KCP: variants seen among roughly 807,000 people sequenced by gnomAD.
KCP encodes the protein kielin/chordin-like protein.
Under a neutral mutation model 212.7 loss-of-function variants are expected in KCP, and 194 were observed. The ratio of observed to expected loss-of-function variants is 0.91; its 90% CI spans 0.81 to 1.03. The LOEUF is 1.03. Ranked by LOEUF, KCP falls within the 50% of genes least tolerant of loss-of-function variation. KCP has a pLI of 0.00. For missense variants in KCP, 2,080 were observed against 2,162.5 expected (o/e 0.96, Z 0.76); for synonymous variants, 833 against 865.3 (o/e 0.96, Z 0.65).
chr7:128,903,621 G>T, intron 7 of KCP, 106 bp downstream of exon 7: 4 of 873,950 alleles, frequency 4.6e-6, no homozygotes, highest in Non-Finnish European at 5.2e-6. Context: ...TTCCAGCTCC[G>T]CCACGGACCA....
Position 128,892,558 on chromosome 7 carries a change from G to A in KCP, c.1577C>T (p.Ala526Val). ...CTGGCCTGGTCCACTCTGGGGCCTG[G>A]CACAGGTCGTGGGAGGGCAGTCAAC... ...SLVDCPPTTC[A>V]RPQSGPGQCC... The change falls in exon 16 of 40, where the codon GCC becomes GTC. Residue 526 changes from alanine (A) to valine (V), a missense_variant. Physicochemically the swap from Ala to Val is moderately conservative, Grantham distance 64. Coordinates refer to ENST00000610776, the MANE Select transcript of KCP (RefSeq NM_001366122.1). 1 of 1,549,340 alleles carries A rather than the reference G, an allele frequency of 6.5e-7. No individual in the cohort carries two copies. The highest frequency in any genetic ancestry group is 2.4e-5 in the East Asian group (1 of 40,898).
Position 128,885,087 on chromosome 7 carries a change from C to A in KCP, c.3040+10G>T. The stretch of plus-strand genomic sequence containing the variant: ...CTCGCCTTTCCCCTCCCGCCCCAGG[C>A]TTCCAGTACCAGAGCATTGAGGACA... On this transcript the variant is annotated intron_variant, in intron 27 of 39. Transcript: ENST00000610776. The A allele has an allele frequency of 6.4e-7, 1 of 1,550,694 alleles. No individual in the cohort carries two copies. Among genetic ancestry groups the A allele is most frequent in the East Asian group, 2.4e-5 (1 of 40,926 alleles).
chr7:128,909,932 G>A (rs535477733), intron 1 of KCP, among the ~76,000 whole-genome samples: 1 of 152,300 alleles, frequency 6.6e-6, no homozygotes, highest in East Asian at 1.9e-4. Flanking sequence ...CGGCCACGAT[G>A]GGCGTCTCAG....
intron 23 of KCP, 39 bp from the exon 24 acceptor site, chr7:128,887,005 C>T: frequency 8.7e-7 from 1 of 1,144,920 alleles, no homozygotes; most frequent in Non-Finnish European, 1.3e-6. Context: ...AACTGGACTG[C>T]ACATTTCCCC....
At position 128,904,037 on chromosome 7, in the gene KCP, AG is replaced by A; in HGVS notation, c.654+18del. On this transcript the variant is annotated intron_variant, in intron 6 of 39. Transcript: ENST00000610776. ...CCAGGGAGGTGCAGGGCCTGGGCAG[AG>A]GGGACAGGTGGACTCACCAGGCAGG... is the stretch of plus-strand genomic sequence containing the variant. The A allele has an allele frequency of 6.5e-7, 1 of 1,548,738 alleles. No homozygotes were observed. The highest frequency in any genetic ancestry group is 8.7e-7 in the Non-Finnish European group (1 of 1,144,462).
chr7:128,910,272 A>T (rs1186175415), intron 1 of KCP, among the ~76,000 whole-genome samples: 2 of 152,214 alleles, frequency 1.3e-5, no homozygotes, highest in Non-Finnish European at 1.5e-5. Context: ...ACAGATGCAA[A>T]GTCAGCTTCC....
chr7:128,876,874 G>T lies in KCP; in HGVS notation c.*169C>A. Reference sequence around the variant, plus strand: ...CACACACAAGGAAGCCTTCGGGCAGGCCTAGAGTTTACTGCTGGTGACTCA... The same window carrying T: ...CACACACAAGGAAGCCTTCGGGCAGTCCTAGAGTTTACTGCTGGTGACTCA... On this transcript the variant is annotated 3_prime_UTR_variant, in exon 40 of 40. Transcript: ENST00000610776. 2.8e-6 allele frequency: 2 copies of T among 713,342 alleles called. No homozygotes were observed. Among genetic ancestry groups the T allele is most frequent in the Non-Finnish European group, 4.3e-6 (2 of 460,798 alleles). 44.2% of individuals were successfully genotyped at this position (713,342 alleles called of 1,614,324 possible).
chr7:128,887,993 AC>A (rs145705079), intron 22 of KCP, among the ~76,000 whole-genome samples: 3,574 of 143,802 alleles, frequency 0.025, 57 homozygotes, highest in Non-Finnish European at 0.031. Context: ...ACACACAGAG[AC>A]CCCCCCACAT....
chr7:128,887,390 C>A, intron 22 of KCP, 90 bp from the exon 23 acceptor site: 1 of 909,364 alleles, frequency 1.1e-6, no homozygotes, highest in Non-Finnish European at 1.8e-6. Context: ...TCCACACATA[C>A]ACAGCCACAG....
chr7:128,885,833 T>G (rs982725000), intron 26 of KCP, among the ~76,000 whole-genome samples: 5 of 152,218 alleles, frequency 3.3e-5, no homozygotes, highest in Non-Finnish European at 7.3e-5. Context: ...AGTGTCCATC[T>G]TGACTCTGCC....
Position 128,880,698 on chromosome 7 carries a change from G to C in KCP, c.3537C>G (p.Leu1179=). Residue 1179 remains leucine, a synonymous_variant, in exon 33 of 40, where the codon CTC becomes CTG. Transcript: ENST00000610776. Reference sequence around the variant, plus strand: ...GGCAGGAGAGGGCCTGGCACTCCTCGAGGTGGCACTCCACATGGCCCCGCT... The same window carrying C: ...GGCAGGAGAGGGCCTGGCACTCCTCCAGGTGGCACTCCACATGGCCCCGCT... ...TCHRGHVECH[L]EECQALSCPH... 2.1e-6 allele frequency: 1 copy of C among 471,722 alleles called. No homozygotes were observed. The highest frequency in any genetic ancestry group is 3.6e-6 in the Non-Finnish European group (1 of 275,680). The allele number at this position is 471,722 out of a possible 1,614,324, so 29.2% of individuals were successfully genotyped here. A position where few individuals can be genotyped will look rare whatever the true frequency, so the allele number is the denominator to read the frequency against.
chr7:128,902,993 TCTGCC>T, intron 7 of KCP, 134 bp from the exon 8 acceptor site: 1 of 678,192 alleles, frequency 1.5e-6, no homozygotes, highest in Non-Finnish European at 2.6e-6. Flanking sequence ...GGGTCAGATC[TCTGCC>T]TAGATTCCCC....
chr7:128,877,927 C>G, intron 38 of KCP, 137 bp from the exon 39 acceptor site: 1 of 761,900 alleles, frequency 1.3e-6, no homozygotes, highest in South Asian at 1.8e-5. Flanking sequence ...AAATGAAGTA[C>G]TGTCTACCTT....
At chr7:128,894,742 G>C (rs1794415300) in intron 8 of KCP, among the ~76,000 whole-genome samples, 1 of 152,088 alleles carries the variant, frequency 6.6e-6, no homozygotes, top group South Asian at 2.1e-4. Context: ...AAGTAGCTGG[G>C]ATTACAGGCA....
Position 128,892,864 on chromosome 7 carries a change from C to G in KCP, c.1420+5G>C. ...AAGAAAGCCAGGATCAGCCCAGGCA[C>G]TCACCAGGGGGCTGGGTGGGGTGCT... On this transcript the variant is annotated splice_donor_5th_base_variant and intron_variant, in intron 14 of 39. Coordinates refer to ENST00000610776, the MANE Select transcript of KCP (RefSeq NM_001366122.1). The G allele has an allele frequency of 6.4e-7, 1 of 1,551,046 alleles. No homozygotes were observed. Among genetic ancestry groups the G allele is most frequent in the Non-Finnish European group, 8.7e-7 (1 of 1,146,742 alleles).
intron 29 of KCP, among the ~76,000 whole-genome samples, chr7:128,882,946 C>T (rs1299873546): frequency 7.0e-6 from 1 of 143,596 alleles, no homozygotes; most frequent in Non-Finnish European, 1.5e-5. Context: ...ATGGCGCATG[C>T]CTATAATCCC....
intron 22 of KCP, among the ~76,000 whole-genome samples, chr7:128,888,347 CAT>C (rs1491074329): frequency 0.085 from 7,852 of 92,242 alleles, 933 homozygotes; most frequent in African/African-American, 0.29. Context: ...CACACACACA[CAT>C]ACACAGATAC....
chr7:128,903,057 G>A (rs549723015), intron 7 of KCP, 198 bp from the exon 8 acceptor site: 17 of 601,182 alleles, frequency 2.8e-5, no homozygotes, highest in East Asian at 1.1e-4. Context: ...TCCTTAGCCC[G>A]CCCTTTCTGG....
rs568214481 is a variant in KCP at position 128,880,052 on chromosome 7, A to T, written c.3793T>A (p.Cys1265Ser). ...GCGGGCCGAGGCAGGCAGCGGGGGC[A>T]GCAGCTGCCAGGACTCAGGGCAGGG... ...KAPALSPGSC[C>S]PRCLPRPASC... Residue 1265 changes from cysteine (C) to serine (S), a missense_variant, in exon 35 of 40, where the codon TGC (cysteine) becomes AGC (serine). By Grantham distance (112) the Cys-to-Ser change is moderately radical. Coordinates refer to ENST00000610776, the MANE Select transcript of KCP (RefSeq NM_001366122.1). 6.5e-7 allele frequency: 1 copy of T among 1,547,208 alleles called. No individual in the cohort carries two copies. Among genetic ancestry groups the T allele is most frequent in the Non-Finnish European group, 8.7e-7 (1 of 1,146,134 alleles).
Sources: allele counts gnomAD v4.1 joint callset (sites outside exome capture counted in the v4.1 genomes callset), GRCh38; gene constraint gnomAD v4.1.1; transcripts MANE v1.5; gene names NCBI Gene and HGNC (gene_info 2026-07-23, HGNC 2026-07-21).